The following CAMTA1 variants were observed in gnomAD, a reference collection of about 807,000 sequenced individuals.
CAMTA1 encodes the protein calmodulin-binding transcription activator 1.
Under a neutral mutation model 170.9 loss-of-function variants are expected in CAMTA1, and 27 were observed. The ratio of observed to expected loss-of-function variants is 0.16; its 90% CI spans 0.12 to 0.22. The LOEUF (loss-of-function observed/expected upper bound fraction) is 0.22, where lower values mean the gene tolerates loss of function less well. Ranked by LOEUF, CAMTA1 falls within the 10% of genes least tolerant of loss-of-function variation. CAMTA1 has a pLI of 1.00. For synonymous variants in CAMTA1, 833 were observed against 891.5 expected, an observed-to-expected ratio of 0.93 and a Z score of 1.17; for missense variants, 1,619 against 2,217.2, an observed-to-expected ratio of 0.73 and a Z score of 5.42.
intron 3 of CAMTA1, among the ~76,000 whole-genome samples, chr1:6,972,225 C>T (rs1336652232): frequency 2.0e-5 from 3 of 152,118 alleles, no homozygotes; most frequent in African/African-American, 7.2e-5. Flanking sequence ...TTTATGACAT[C>T]TAAGATTGTG....
At chr1:7,235,445 C>T (rs116140842) in intron 4 of CAMTA1, among the ~76,000 whole-genome samples, 3 of 152,036 alleles carry the variant, frequency 2.0e-5, no homozygotes, top group Non-Finnish European at 2.9e-5. Context: ...GCCAACATGG[C>T]GAAACCCCTG....
intron 5 of CAMTA1, among the ~76,000 whole-genome samples, chr1:7,265,906 A>G (rs1668847456): frequency 1.3e-5 from 2 of 152,212 alleles, no homozygotes; most frequent in African/African-American, 4.8e-5. Flanking sequence ...GAAACAGGAT[A>G]CGGCTCAGTG....
chr1:7,442,963 T>A (rs140675369), intron 5 of CAMTA1, among the ~76,000 whole-genome samples: 1 of 152,138 alleles, frequency 6.6e-6, no homozygotes, highest in Non-Finnish European at 1.5e-5. Flanking sequence ...AGATGCCACA[T>A]TCTCTGTTGA....
rs1014258272 is a variant in CAMTA1 at position 7,093,041 on chromosome 1, G to A, written c.302+1670G>A. On this transcript the variant is annotated intron_variant, in intron 4 of 22. Transcript: ENST00000303635. This position sits in a 1 kb window ranked among gnomAD's most constrained non-coding sequence, Gnocchi z 4.6. ...AGAGTGGGGGCAGGGGTGGGCGGTG[G>A]AGAGGATGGGAATACAGTGCACTAT... 9.9e-5 allele frequency among the ~76,000 whole-genome samples: 15 copies of A among 152,238 alleles called. No individual in the cohort carries two copies. Among genetic ancestry groups the A allele is most frequent in the African/African-American group, 3.4e-4 (14 of 41,458 alleles).
chr1:7,423,145 G>A (rs1446330085), intron 5 of CAMTA1, among the ~76,000 whole-genome samples: 2 of 152,188 alleles, frequency 1.3e-5, no homozygotes, highest in East Asian at 1.9e-4. Flanking sequence ...TGGGGGCCTG[G>A]CCCCGGGCCA....
chr1:7,031,808 T>G (rs1289446446), intron 3 of CAMTA1, among the ~76,000 whole-genome samples: 1 of 152,204 alleles, frequency 6.6e-6, no homozygotes, highest in African/African-American at 2.4e-5. Flanking sequence ...CCTGAAGTGC[T>G]GGGATTATAG....
intron 6 of CAMTA1, among the ~76,000 whole-genome samples, chr1:7,492,668 AACAC>A (rs70984088): frequency 0.043 from 2,369 of 54,780 alleles, 31 homozygotes; most frequent in Non-Finnish European, 0.058. Flanking sequence ...CAAACATACG[AACAC>A]ACACACACAA....
At chr1:7,037,913 C>CTT (rs1171128224) in intron 3 of CAMTA1, among the ~76,000 whole-genome samples, 3 of 114,356 alleles carry the variant, frequency 2.6e-5, no homozygotes, top group Admixed American at 8.6e-5. Flanking sequence ...TTGGTTTGAT[C>CTT]TTTATTTTTT....
At chr1:7,602,138 TCCTTCCTC>T (rs1260434564) in intron 6 of CAMTA1, among the ~76,000 whole-genome samples, 99 of 120,350 alleles carry the variant, frequency 8.2e-4, no homozygotes, top group African/African-American at 3.1e-3. Context: ...CTTCCTTCCT[TCCTTCCTC>T]CCTCCCTCCC....
At position 7,547,832 on chromosome 1, in the gene CAMTA1, C is replaced by A. The variant is rs972858401; in HGVS notation, c.510+79931C>A. ...ACATCTCTGCCACCCCATGTGGGCCCCCTCCAAACCCAGACTCTGACACCC... is the reference window on the plus strand; with the variant it reads ...ACATCTCTGCCACCCCATGTGGGCCACCTCCAAACCCAGACTCTGACACCC... On this transcript the variant is annotated intron_variant, in intron 6 of 22. Coordinates refer to ENST00000303635, the MANE Select transcript of CAMTA1 (RefSeq NM_015215.4). This position sits in a 1 kb window ranked among gnomAD's most constrained non-coding sequence, Gnocchi z 5.7. 1.3e-5 allele frequency among the ~76,000 whole-genome samples: 2 copies of A among 152,054 alleles called. No individual in the cohort carries two copies. The highest frequency in any genetic ancestry group is 2.9e-5 in the Non-Finnish European group (2 of 68,028).
rs2096780186 is a variant in CAMTA1 at position 7,737,351 on chromosome 1, C to A, written c.3439C>A (p.Pro1147Thr). Reference sequence around the variant, plus strand: ...GATTCCCGACTCTCTAGGAAGGCTGCCTTTGGGAATTGCCAGGTCACGGGG... The same window carrying A: ...GATTCCCGACTCTCTAGGAAGGCTGACTTTGGGAATTGCCAGGTCACGGGG... ...ISIPDSLGRL[P>T]LGIARSRGHV... Residue 1147 changes from proline to threonine, a missense_variant, in exon 15 of 23, where the codon CCT becomes ACT. Transcript: ENST00000303635. 2 of 1,614,098 alleles carry A rather than the reference C, an allele frequency of 1.2e-6. No individual in the cohort carries two copies.
chr1:6,854,239 T>C (rs1661441470), intron 3 of CAMTA1, among the ~76,000 whole-genome samples: 1 of 152,214 alleles, frequency 6.6e-6, no homozygotes, highest in Non-Finnish European at 1.5e-5. Flanking sequence ...CATTACTGTT[T>C]CTATGTTTAT....
intron 6 of CAMTA1, among the ~76,000 whole-genome samples, chr1:7,558,837 T>C (rs1157973819): frequency 6.6e-6 from 1 of 152,288 alleles, no homozygotes; most frequent in African/African-American, 2.4e-5. Flanking sequence ...GTTGCACTAA[T>C]GACTCCAGCG....
chr1:7,432,574 C>T (rs961654389), intron 5 of CAMTA1, among the ~76,000 whole-genome samples: 4 of 152,170 alleles, frequency 2.6e-5, no homozygotes, highest in Admixed American at 6.5e-5. Context: ...GGGGTCACCA[C>T]GGGGCCAGGA....
chr1:7,568,136 C>T (rs1354263576), intron 6 of CAMTA1, among the ~76,000 whole-genome samples: 2 of 151,758 alleles, frequency 1.3e-5, no homozygotes, highest in African/African-American at 4.8e-5. Context: ...TCATCATGAT[C>T]ACTATCACCA....
chr1:6,976,284 A>G (rs972713720), intron 3 of CAMTA1, among the ~76,000 whole-genome samples: 2 of 152,218 alleles, frequency 1.3e-5, no homozygotes, highest in African/African-American at 4.8e-5. Context: ...ACTCATCAGC[A>G]GGACCTCCTG....
intron 5 of CAMTA1, among the ~76,000 whole-genome samples, chr1:7,294,291 G>A (rs1673605904): frequency 6.6e-6 from 1 of 152,180 alleles, no homozygotes; most frequent in Admixed American, 6.5e-5. Flanking sequence ...AGGACTGGGG[G>A]GCTATGGATG....
At chr1:7,760,301 C>T (rs528471555) in intron 22 of CAMTA1, among the ~76,000 whole-genome samples, 166 of 152,166 alleles carry the variant, frequency 1.1e-3, no homozygotes, top group Non-Finnish European at 1.7e-3. Context: ...GAGAACAGCC[C>T]CGGGTCATAG....
At chr1:7,719,442 A>G (rs538430678) in intron 11 of CAMTA1, among the ~76,000 whole-genome samples, 14 of 152,354 alleles carry the variant, frequency 9.2e-5, no homozygotes, top group African/African-American at 3.1e-4. Context: ...CCAAGACTGA[A>G]TATGGGGATA....
Sources: allele counts gnomAD v4.1 joint callset (sites outside exome capture counted in the v4.1 genomes callset), GRCh38; gene constraint gnomAD v4.1.1; non-coding constraint Gnocchi (gnomAD v3.1); transcripts MANE v1.5; gene names NCBI Gene and HGNC (gene_info 2026-07-23, HGNC 2026-07-21).